Variants in GABRR2 observed in about 807,000 individuals in gnomAD.
GABRR2 encodes gamma-aminobutyric acid type A receptor subunit rho2, also known as gamma-aminobutyric acid receptor subunit rho-2.
In GABRR2, 36 loss-of-function variants were observed where a neutral mutation model predicts 47.0. The ratio of observed to expected loss-of-function variants is 0.77; its 90% CI spans 0.59 to 1.01. The LOEUF (loss-of-function observed/expected upper bound fraction) is 1.01, where lower values mean the gene tolerates loss of function less well. Among genes scored for constraint, GABRR2 ranks in the 50% least tolerant of loss-of-function variants. The pLI is 0.00. For synonymous variants in GABRR2, 204 were observed against 227.5 expected (o/e 0.90, Z 0.93); for missense variants, 587 against 594.6 (o/e 0.99, Z 0.13).
At chr6:89,275,129 A>G (rs760884069) in intron 2 of GABRR2, among the ~76,000 whole-genome samples, 9 of 152,246 alleles carry the variant, frequency 5.9e-5, no homozygotes, top group Non-Finnish European at 1.2e-4. Flanking sequence ...ATAATAAATC[A>G]TGTCCAAATC....
rs28820380 is a variant in GABRR2, at chr6:89,304,596, A to G, written c.114-4731T>C. ...AGAGTGAGACTCCATCTCAAAAAAAAGAAAAAAAAAAAAAGAAAAAAAGTG... is the reference window on the plus strand; with the variant it reads ...AGAGTGAGACTCCATCTCAAAAAAAGGAAAAAAAAAAAAAGAAAAAAAGTG... On this transcript the variant is annotated intron_variant, in intron 1 of 8. Coordinates refer to ENST00000402938, the MANE Select transcript of GABRR2 (RefSeq NM_002043.5). 4.4e-3 allele frequency among the ~76,000 whole-genome samples: 604 copies of G among 136,150 alleles called. 2 individuals carry two copies. Among genetic ancestry groups the G allele is most frequent in the Middle Eastern group, 0.011 (3 of 270 alleles). 89.3% of individuals were successfully genotyped at this position (136,150 alleles called of 152,430 possible).
intron 1 of GABRR2, among the ~76,000 whole-genome samples, chr6:89,303,785 A>G (rs1314955474): frequency 6.6e-6 from 1 of 152,210 alleles, no homozygotes; most frequent in Non-Finnish European, 1.5e-5. Context: ...AACAGAATAG[A>G]GAGCCCAGAA....
At position 89,265,746 on chromosome 6, in the gene GABRR2, G is replaced by A. The variant is rs755950887; in HGVS notation, c.756C>T (p.Tyr252=). 2.8e-5 allele frequency: 45 copies of A among 1,614,116 alleles called. No homozygotes were observed. In the East Asian group the frequency reaches 8.5e-4, roughly 30 times the overall value. Residue 252 remains tyrosine (Y), a synonymous_variant, in exon 7 of 9, where the codon TAC becomes TAT. Transcript: ENST00000402938. ...TGTGGCGACGCAACGTGAAGTTAAT[G>A]TACAGACGGTTGTACCAGCCTAGGG... The part of the protein sequence containing the change: ...YSSTGWYNRL[Y]INFTLRRHIF...
At chr6:89,291,470 G>A (rs1057429208) in intron 2 of GABRR2, among the ~76,000 whole-genome samples, 2 of 151,860 alleles carry the variant, frequency 1.3e-5, no homozygotes, top group African/African-American at 4.8e-5. Context: ...ACTCCCTCCT[G>A]TCTACACACG....
intron 2 of GABRR2, among the ~76,000 whole-genome samples, chr6:89,297,186 G>C (rs1371290003): frequency 6.6e-6 from 1 of 152,196 alleles, no homozygotes; most frequent in African/African-American, 2.4e-5. Flanking sequence ...TTTTATGATT[G>C]TGTTGGTTTA....
intron 1 of GABRR2, among the ~76,000 whole-genome samples, chr6:89,312,491 G>A (rs887054141): frequency 1.3e-5 from 2 of 152,196 alleles, no homozygotes; most frequent in African/African-American, 4.8e-5. Context: ...GTGTGTGCCC[G>A]TGAAGTCACA....
chr6:89,293,279 C>T (rs1774501327), intron 2 of GABRR2, among the ~76,000 whole-genome samples: 2 of 151,990 alleles, frequency 1.3e-5, no homozygotes, highest in African/African-American at 4.8e-5. Flanking sequence ...ATGGTGGTTG[C>T]CAGGGGCTGA....
chr6:89,311,759 A>C (rs1242125130), intron 1 of GABRR2, among the ~76,000 whole-genome samples: 1 of 151,766 alleles, frequency 6.6e-6, no homozygotes, highest in Admixed American at 6.6e-5. Flanking sequence ...GGCAGACCTC[A>C]CCCCATCTTC....
chr6:89,279,549 C>T (rs1774221882), intron 2 of GABRR2, among the ~76,000 whole-genome samples: 1 of 151,734 alleles, frequency 6.6e-6, no homozygotes, highest in Non-Finnish European at 1.5e-5. Context: ...TTCTGTCACC[C>T]AGGTAGGAGT....
chr6:89,299,057 G>A (rs1774603015), intron 2 of GABRR2, among the ~76,000 whole-genome samples: 1 of 152,110 alleles, frequency 6.6e-6, no homozygotes, highest in South Asian at 2.1e-4. Context: ...CCCAATCTAT[G>A]GTGTTTTGTG....
At chr6:89,304,903 C>G (rs1029823863) in intron 1 of GABRR2, among the ~76,000 whole-genome samples, 4 of 152,200 alleles carry the variant, frequency 2.6e-5, no homozygotes, top group Non-Finnish European at 5.9e-5. Context: ...AAGCTAAAAA[C>G]AGAACTACCA....
At chr6:89,289,066 A>T (rs1428116646) in intron 2 of GABRR2, among the ~76,000 whole-genome samples, 1 of 152,260 alleles carries the variant, frequency 6.6e-6, no homozygotes, top group East Asian at 1.9e-4. Flanking sequence ...GAGATGCTTC[A>T]TGTAAGAGGA....
intron 2 of GABRR2, among the ~76,000 whole-genome samples, chr6:89,284,842 C>T (rs1774306953): frequency 6.6e-6 from 1 of 152,156 alleles, no homozygotes; most frequent in African/African-American, 2.4e-5. Flanking sequence ...AATGTTTTAC[C>T]TCTCAAAAAT....
In GABRR2 at chr6:89,315,143, A is replaced by G. The variant is rs140072759; in HGVS notation, c.23T>C (p.Ile8Thr). ...AACCATCAAGCAAAACAAGAACAAA[A>G]TGAGTCTTGTAAAATAAGGCATTTT... Reference protein sequence around the residue: MPYFTRLILFLFCLMVLV... With the variant: MPYFTRLTLFLFCLMVLV... Residue 8 changes from isoleucine to threonine, a missense_variant, in exon 1 of 9, where the codon ATT becomes ACT. Coordinates refer to ENST00000402938, the MANE Select transcript of GABRR2 (RefSeq NM_002043.5). The G allele has an allele frequency of 1.3e-4, 210 of 1,613,870 alleles. No homozygotes were observed. Among genetic ancestry groups the G allele is most frequent in the Admixed American group, 6.5e-4 (39 of 60,014 alleles).
At chr6:89,283,905 A>G (rs1774292116) in intron 2 of GABRR2, among the ~76,000 whole-genome samples, 1 of 152,168 alleles carries the variant, frequency 6.6e-6, no homozygotes. Flanking sequence ...CAACTATTTG[A>G]AGGATAGTCA....
intron 2 of GABRR2, among the ~76,000 whole-genome samples, chr6:89,284,483 T>A (rs1774301563): frequency 6.6e-6 from 1 of 152,024 alleles, no homozygotes; most frequent in Non-Finnish European, 1.5e-5. Flanking sequence ...AGTACCCAGG[T>A]GGGCCCAATG....
At position 89,254,573 on chromosome 6, in the gene GABRR2, G is replaced by A. The variant is rs3734198; in HGVS notation, c.*3097C>T. On this transcript the variant is annotated 3_prime_UTR_variant, in exon 9 of 9. Coordinates refer to ENST00000402938, the MANE Select transcript of GABRR2 (RefSeq NM_002043.5). ...ATCATTGGCATTCCAGAATTTGATT[G>A]TTAGTATTTTTTCTCAGTACATAAA... Among the ~76,000 whole-genome samples the A allele has an allele frequency of 0.6, 91,538 of 152,076 alleles. 29,432 individuals are homozygous for A. Among genetic ancestry groups the A allele is most frequent in the African/African-American group, 0.81 (33,743 of 41,484 alleles).
At chr6:89,302,869 G>C in intron 1 of GABRR2, 1 of 1,270,232 alleles carries the variant, frequency 7.9e-7, no homozygotes, top group Admixed American at 1.8e-5. Context: ...ACCCTCATCA[G>C]CAACAGCACG....
intron 8 of GABRR2, among the ~76,000 whole-genome samples, chr6:89,258,855 T>TA (rs1302882551): frequency 6.8e-6 from 1 of 147,904 alleles, no homozygotes; most frequent in Non-Finnish European, 1.5e-5. Context: ...CACCAACAGA[T>TA]ACATGCTTAT....
Sources: gnomAD v4.1 joint callset for allele counts (sites outside exome capture counted in the v4.1 genomes callset) on GRCh38, gnomAD v4.1.1 for gene constraint, MANE v1.5 for transcripts, NCBI Gene and HGNC (gene_info 2026-07-23, HGNC 2026-07-21) for gene names.